CNTNAP2: variants seen among roughly 807,000 people sequenced by gnomAD.
CNTNAP2 encodes contactin-associated protein-like 2.
CNTNAP2 carries 98 observed loss-of-function variants against 155.2 expected under a neutral mutation model. The ratio of observed to expected loss-of-function variants is 0.63; its 90% confidence interval spans 0.54 to 0.75. CNTNAP2 has a LOEUF of 0.75. CNTNAP2 is among the 30% of genes least tolerant of loss of function. The probability of loss-of-function intolerance (pLI) is 0.00; values close to 1 mark genes in which losing one functional copy is unlikely to be tolerated. For synonymous variants in CNTNAP2, 651 were observed against 631.2 expected, an observed-to-expected ratio of 1.03 and a Z score of -0.47; for missense variants, 1,727 against 1,688.1, an observed-to-expected ratio of 1.02 and a Z score of -0.40.
At chr7:147,557,833 A>G (rs1406196070) in intron 11 of CNTNAP2, among the ~76,000 whole-genome samples, 1 of 152,214 alleles carries the variant, frequency 6.6e-6, no homozygotes, top group Non-Finnish European at 1.5e-5. Flanking sequence ...TTTTGCCATG[A>G]CTTTTCATAG....
chr7:146,399,454 C>T (rs1486178030), intron 1 of CNTNAP2, among the ~76,000 whole-genome samples: 1 of 152,166 alleles, frequency 6.6e-6, no homozygotes, highest in Non-Finnish European at 1.5e-5. Context: ...CTTATTTCAC[C>T]TAACATGATG....
intron 22 of CNTNAP2, among the ~76,000 whole-genome samples, chr7:148,388,085 A>C (rs1477979590): frequency 6.6e-6 from 1 of 152,190 alleles, no homozygotes; most frequent in East Asian, 1.9e-4. Context: ...AACCATAAAA[A>C]TGGGCAACCA....
intron 1 of CNTNAP2, among the ~76,000 whole-genome samples, chr7:146,594,628 G>A (rs1416922265): frequency 6.6e-6 from 1 of 151,918 alleles, no homozygotes; most frequent in African/African-American, 2.4e-5. Flanking sequence ...TTCTTTCATG[G>A]TGTTAACTGT....
chr7:147,457,231 T>C lies in CNTNAP2; in HGVS notation c.1671-28704T>C, dbSNP rs1797931360. The stretch of plus-strand genomic sequence containing the variant: ...CAGATGAAAAAGTAATGTTGGAAGT[T>C]GTAAAGGAGTTCTCTGGGCTTTTTT... On this transcript the variant is annotated intron_variant, in intron 10 of 23. Coordinates refer to ENST00000361727, the MANE Select transcript of CNTNAP2 (RefSeq NM_014141.6). 1.3e-5 allele frequency among the ~76,000 whole-genome samples: 2 copies of C among 152,180 alleles called. 1 individual carries two copies. The highest frequency in any genetic ancestry group is 4.1e-4 in the South Asian group (2 of 4,838).
intron 10 of CNTNAP2, among the ~76,000 whole-genome samples, chr7:147,471,113 G>A (rs1278072255): frequency 3.9e-5 from 6 of 152,098 alleles, no homozygotes; most frequent in African/African-American, 1.4e-4. Context: ...TAGGAGTAGA[G>A]GAGTGGAGAC....
At chr7:146,889,738 CAG>C (rs1204868116) in intron 3 of CNTNAP2, among the ~76,000 whole-genome samples, 4 of 152,102 alleles carry the variant, frequency 2.6e-5, no homozygotes, top group Admixed American at 2.6e-4. Context: ...ACGGAGAACA[CAG>C]AAAGTTTTCT....
chr7:146,233,598 A>T (rs942614614), intron 1 of CNTNAP2, among the ~76,000 whole-genome samples: 1 of 152,118 alleles, frequency 6.6e-6, no homozygotes, highest in Non-Finnish European at 1.5e-5. Context: ...TATATCTCCT[A>T]AAGCTATCCC....
chr7:147,786,846 G>A (rs141169441), intron 13 of CNTNAP2, among the ~76,000 whole-genome samples: 3 of 152,188 alleles, frequency 2.0e-5, no homozygotes, highest in Admixed American at 6.5e-5. Flanking sequence ...GCATGTAACT[G>A]TAGTCCCTGC....
intron 13 of CNTNAP2, among the ~76,000 whole-genome samples, chr7:147,894,572 G>A (rs1291410768): frequency 6.6e-6 from 1 of 152,154 alleles, no homozygotes; most frequent in Non-Finnish European, 1.5e-5. Context: ...TTGTAGATAA[G>A]GTTGTAATTG....
chr7:146,815,568 A>T (rs996487964), intron 2 of CNTNAP2, among the ~76,000 whole-genome samples: 1 of 152,144 alleles, frequency 6.6e-6, no homozygotes, highest in African/African-American at 2.4e-5. Context: ...ATACACAAAC[A>T]TATATTCACA....
chr7:147,273,673 C>T (rs1804816923), intron 8 of CNTNAP2, among the ~76,000 whole-genome samples: 1 of 150,524 alleles, frequency 6.6e-6, no homozygotes, highest in South Asian at 2.1e-4. Context: ...ATCCATGTTG[C>T]AAAATACATT....
chr7:148,300,457 G>C (rs1797363562), intron 21 of CNTNAP2, among the ~76,000 whole-genome samples: 1 of 151,222 alleles, frequency 6.6e-6, no homozygotes, highest in African/African-American at 2.4e-5. Flanking sequence ...ATAGTCTTTT[G>C]TTTCATGGCT....
At chr7:147,714,575 G>C (rs1179117045) in intron 13 of CNTNAP2, among the ~76,000 whole-genome samples, 2 of 151,956 alleles carry the variant, frequency 1.3e-5, no homozygotes, top group African/African-American at 4.8e-5. Flanking sequence ...GAGTTTTTTT[G>C]AGTGAATAAG....
At chr7:147,759,984 T>G (rs1002786078) in intron 13 of CNTNAP2, among the ~76,000 whole-genome samples, 1 of 152,128 alleles carries the variant, frequency 6.6e-6, no homozygotes, top group African/African-American at 2.4e-5. Flanking sequence ...TTTCCAAGGA[T>G]TCTTTACTGG....
At chr7:146,912,532 T>C in intron 3 of CNTNAP2, among the ~76,000 whole-genome samples, 1 of 152,162 alleles carries the variant, frequency 6.6e-6, no homozygotes, top group East Asian at 1.9e-4. Context: ...AATCTTTTGG[T>C]ACTATACATC....
At chr7:147,293,244 A>G in intron 8 of CNTNAP2, among the ~76,000 whole-genome samples, 1 of 152,182 alleles carries the variant, frequency 6.6e-6, no homozygotes, top group East Asian at 1.9e-4. Context: ...ATCATAAAAA[A>G]CAAAAGTACC....
intron 13 of CNTNAP2, among the ~76,000 whole-genome samples, chr7:147,896,080 G>A (rs2116738591): frequency 6.6e-6 from 1 of 152,340 alleles, no homozygotes; most frequent in South Asian, 2.1e-4. Context: ...AAAGTATTGT[G>A]ACTTGAGAAA....
At chr7:147,132,635 C>A (rs778952446) in intron 8 of CNTNAP2, 126 bp downstream of exon 8, 2 of 1,280,350 alleles carry the variant, frequency 1.6e-6, no homozygotes, top group Non-Finnish European at 1.1e-6. Context: ...ATCTTCAAGA[C>A]GCTTACTTGG....
intron 1 of CNTNAP2, among the ~76,000 whole-genome samples, chr7:146,447,700 G>T (rs533369225): frequency 4.4e-4 from 67 of 152,032 alleles, no homozygotes; most frequent in African/African-American, 1.6e-3. Flanking sequence ...ATTTCAGATT[G>T]CAATAATCAC....
Sources: gnomAD v4.1 joint callset for allele counts (sites outside exome capture counted in the v4.1 genomes callset) on GRCh38, gnomAD v4.1.1 for gene constraint, MANE v1.5 for transcripts, NCBI Gene and HGNC (gene_info 2026-07-23, HGNC 2026-07-21) for gene names.